Variants in PCDHGA1 observed in about 807,000 individuals in gnomAD.
PCDHGA1 encodes the protein protocadherin gamma-A1.
A neutral mutation model predicts 58.0 loss-of-function variants in PCDHGA1; 32 were observed. That is an observed-to-expected ratio of 0.55 (90% CI 0.42 to 0.74). The LOEUF is 0.74. Ranked by LOEUF, PCDHGA1 falls within the 30% of genes least tolerant of loss-of-function variation. The probability of loss-of-function intolerance (pLI) is 0.00; values close to 1 mark genes in which losing one functional copy is unlikely to be tolerated. For missense variants in PCDHGA1, 1,205 were observed against 1,182.3 expected (o/e 1.02, Z -0.28); for synonymous variants, 498 against 501.1 (o/e 0.99, Z 0.08).
chr5:141,394,918 G>A, intron 1 of PCDHGA1: 1 of 1,613,812 alleles, frequency 6.2e-7, no homozygotes, highest in Non-Finnish European at 8.5e-7. Context: ...GCCATCTCCT[G>A]TGTCTTCCTC....
rs911954966 is a variant in PCDHGA1, at chr5:141,491,081, C to G, written c.2422-3726C>G. On this transcript the variant is annotated intron_variant, in intron 1 of 3. Coordinates refer to ENST00000517417, the MANE Select transcript of PCDHGA1 (RefSeq NM_018912.3). This position sits in a 1 kb window ranked among gnomAD's most constrained non-coding sequence, Gnocchi z 6.9. ...TCCTACTCACTGTTGCCACAGTCCACAGCCCCAGGACTGTTCCTCGTGTCT... is the reference window on the plus strand; with the variant it reads ...TCCTACTCACTGTTGCCACAGTCCAGAGCCCCAGGACTGTTCCTCGTGTCT... The G allele has an allele frequency of 4.3e-6, 7 of 1,614,176 alleles. No individual in the cohort carries two copies. Among genetic ancestry groups the G allele is most frequent in the Non-Finnish European group, 5.9e-6 (7 of 1,180,010 alleles).
Position 141,332,034 on chromosome 5 carries a change from A to G in PCDHGA1, c.1350A>G (p.Pro450=). Residue 450 remains proline, a synonymous_variant, in exon 1 of 4, where the codon CCA becomes CCG. Coordinates refer to ENST00000517417, the MANE Select transcript of PCDHGA1 (RefSeq NM_018912.3). This position sits in a 1 kb window ranked among gnomAD's most constrained non-coding sequence, Gnocchi z 4.6. The stretch of plus-strand genomic sequence containing the variant: ...TGACAGATATCAATGACAACTCCCC[A>G]GTCTTCCATCAGGACTCCTACTCTG... ...LLVTDINDNS[P]VFHQDSYSAY... is the part of the protein sequence containing the mutation. The G allele has an allele frequency of 6.2e-7, 1 of 1,614,124 alleles. No individual in the cohort carries two copies. Among genetic ancestry groups the G allele is most frequent in the Non-Finnish European group, 8.5e-7 (1 of 1,180,016 alleles).
intron 1 of PCDHGA1, chr5:141,362,277 C>G (rs1762415118): frequency 6.2e-7 from 1 of 1,614,048 alleles, no homozygotes; most frequent in Non-Finnish European, 8.5e-7. Context: ...TCTCCCTGCG[C>G]CTGCGACTCT....
At position 141,476,193 on chromosome 5, in the gene PCDHGA1, T is replaced by C. The variant is rs1224461188; in HGVS notation, c.2422-18614T>C. On this transcript the variant is annotated intron_variant, in intron 1 of 3. Coordinates refer to ENST00000517417, the MANE Select transcript of PCDHGA1 (RefSeq NM_018912.3). The surrounding 1 kb of genome is among the most constrained non-coding windows in gnomAD (Gnocchi z 7.6). The stretch of plus-strand genomic sequence containing the variant: ...GGAGTTTTGCTTCTGCTTGGTGCCT[T>C]GAACAAGGCTTCCACGGTCATTCAC... The C allele has an allele frequency of 6.2e-7, 1 of 1,613,812 alleles. No homozygotes were observed. Among genetic ancestry groups the C allele is most frequent in the South Asian group, 1.1e-5 (1 of 91,068 alleles).
At chr5:141,364,954 C>T (rs765455076) in intron 1 of PCDHGA1, 17 of 1,613,940 alleles carry the variant, frequency 1.1e-5, no homozygotes, top group Admixed American at 1.0e-4. Flanking sequence ...AGACTGTTCA[C>T]GACCTCCTCC....
intron 1 of PCDHGA1, chr5:141,419,373 T>C: frequency 1.9e-6 from 3 of 1,613,754 alleles, no homozygotes; most frequent in Non-Finnish European, 2.5e-6. Context: ...TCGTCCTACG[T>C]GTCCGTGAGC....
At chr5:141,365,071 C>T (rs184618404) in intron 1 of PCDHGA1, 6 of 1,613,868 alleles carry the variant, frequency 3.7e-6, no homozygotes, top group Non-Finnish European at 5.1e-6. Flanking sequence ...CATCCGAGTA[C>T]AGCGTGAGTG....
rs759945612 is a variant in PCDHGA1 at position 141,409,754 on chromosome 5, C to T, written c.2421+76649C>T. ...GCAGAGCGGGGTGGTGTTCGCGCAG[C>T]GCGCCTTTGATCACGAGCAGCTGCG... On this transcript the variant is annotated intron_variant, in intron 1 of 3. Coordinates refer to ENST00000517417, the MANE Select transcript of PCDHGA1 (RefSeq NM_018912.3). 3 of 1,612,880 alleles carry T rather than the reference C, an allele frequency of 1.9e-6. No individual in the cohort carries two copies. In the Admixed American group the frequency reaches 5.0e-5, roughly 27 times the overall value.
intron 1 of PCDHGA1, chr5:141,360,011 A>T: frequency 2.0e-5 from 25 of 1,240,972 alleles, no homozygotes; most frequent in Non-Finnish European, 2.7e-5. Context: ...AACCAACCAC[A>T]CAGAGAAGGC....
chr5:141,400,231 G>T (rs572459159), intron 1 of PCDHGA1: 62 of 1,613,870 alleles, frequency 3.8e-5, no homozygotes, highest in Non-Finnish European at 5.1e-5. Flanking sequence ...CTTCCTCCTG[G>T]CCGTGATTCT....
chr5:141,381,518 A>AT (rs1173205402), intron 1 of PCDHGA1, among the ~76,000 whole-genome samples: 1 of 152,222 alleles, frequency 6.6e-6, no homozygotes, highest in Non-Finnish European at 1.5e-5. Context: ...TAGGATGAAG[A>AT]TTTGAATTGC....
At chr5:141,427,470 G>A (rs765970767) in intron 1 of PCDHGA1, 8 of 509,992 alleles carry the variant, frequency 1.6e-5, no homozygotes, top group African/African-American at 7.7e-5. Flanking sequence ...CGAATCTTCC[G>A]CCAATAATGA....
chr5:141,365,561 G>A lies in PCDHGA1; in HGVS notation c.2421+32456G>A. On this transcript the variant is annotated intron_variant, in intron 1 of 3. Coordinates refer to ENST00000517417, the MANE Select transcript of PCDHGA1 (RefSeq NM_018912.3). Reference sequence around the variant, plus strand: ...TCACCTATTAACAACTAGGGACCTGGACAGAGAAGAGACTTCAGATTATAA... The same window carrying A: ...TCACCTATTAACAACTAGGGACCTGAACAGAGAAGAGACTTCAGATTATAA... 2 of 1,613,682 alleles carry A rather than the reference G, an allele frequency of 1.2e-6. No homozygotes were observed. The highest frequency in any genetic ancestry group is 1.7e-6 in the Non-Finnish European group (2 of 1,179,886).
intron 1 of PCDHGA1, among the ~76,000 whole-genome samples, chr5:141,460,124 A>AAT (rs2098982741): frequency 6.6e-6 from 1 of 152,052 alleles, no homozygotes; most frequent in African/African-American, 2.4e-5. Context: ...TTATATATGT[A>AAT]ATATATATAT....
intron 1 of PCDHGA1, chr5:141,387,576 G>C (rs534073702): frequency 2.1e-6 from 1 of 487,618 alleles, no homozygotes; most frequent in Non-Finnish European, 3.6e-6. Context: ...TATAATTATT[G>C]CACTGGTTAA....
intron 1 of PCDHGA1, chr5:141,360,139 A>G: frequency 6.3e-7 from 1 of 1,594,488 alleles, no homozygotes; most frequent in South Asian, 1.1e-5. Context: ...CCAGAAGATG[A>G]AAGCGAGCTC....
chr5:141,347,799 A>T (rs1758022091), intron 1 of PCDHGA1, among the ~76,000 whole-genome samples: 1 of 152,116 alleles, frequency 6.6e-6, no homozygotes, highest in African/African-American at 2.4e-5. Flanking sequence ...AAAAAAAAAA[A>T]AAGTAGAGGC....
chr5:141,427,268 A>G (rs1433017911), intron 1 of PCDHGA1: 7 of 456,648 alleles, frequency 1.5e-5, no homozygotes, highest in Non-Finnish European at 3.1e-5. Flanking sequence ...TGACCAGCGA[A>G]TGTAAAATTA....
chr5:141,426,439 G>A, intron 1 of PCDHGA1: 1 of 302,400 alleles, frequency 3.3e-6, no homozygotes, highest in Non-Finnish European at 6.5e-6. Flanking sequence ...GAACCTTGCG[G>A]AGGACATGCG....
Sources: allele counts gnomAD v4.1 joint callset (sites outside exome capture counted in the v4.1 genomes callset), GRCh38; gene constraint gnomAD v4.1.1; non-coding constraint Gnocchi (gnomAD v3.1); transcripts MANE v1.5; gene names NCBI Gene and HGNC (gene_info 2026-07-23, HGNC 2026-07-21).